The following CT83 variants were observed in gnomAD, a reference collection of about 807,000 sequenced individuals.
The protein encoded by CT83 is kita-kyushu lung cancer antigen 1.
A neutral mutation model predicts 1.7 loss-of-function variants in CT83; 3 were observed. The observed-to-expected ratio is 1.76, with a 90% CI of 0.80 to 4.55. CT83 has a LOEUF of 4.55. Ranked by LOEUF, CT83 falls within the 30% of genes most tolerant of loss-of-function variation. The probability of loss-of-function intolerance (pLI) is 0.02; values close to 1 mark genes in which losing one functional copy is unlikely to be tolerated. For synonymous variants in CT83, 35 were observed against 33.0 expected, an observed-to-expected ratio of 1.06 and a Z score of -0.20; for missense variants, 80 against 84.8, an observed-to-expected ratio of 0.94 and a Z score of 0.22.
intron 1 of CT83, among the ~76,000 whole-genome samples, chrX:116,462,357 C>T (rs1556695265): frequency 9.0e-6 from 1 of 111,507 alleles, no homozygotes; most frequent in South Asian, 3.8e-4. Flanking sequence ...CATTCACACT[C>T]GAATTATTTG....
chrX:116,462,282 T>A (rs781895013), intron 1 of CT83, among the ~76,000 whole-genome samples: 14 of 111,627 alleles, frequency 1.3e-4, no homozygotes, highest in Non-Finnish European at 1.9e-4. Flanking sequence ...GGTAAACATA[T>A]GAACCCTTGT....
chrX:116,462,871 C>A lies in CT83; in HGVS notation c.-15G>T. 1 of 1,206,799 alleles carries A rather than the reference C, an allele frequency of 8.3e-7. No homozygotes were observed. The highest frequency in any genetic ancestry group is 1.8e-5 in the South Asian group (1 of 56,833). On this transcript the variant is annotated 5_prime_UTR_variant, in exon 1 of 2. It adds an upstream start codon to the 5' untranslated region. Transcript: ENST00000371894. The stretch of plus-strand genomic sequence containing the variant: ...TAGAAGTTCATGTTTCCTCTTCGGC[C>A]TCTTCTCCCTTCTCGGGACGGACCC...
At chrX:116,462,603 T>A (rs782657721) in intron 1 of CT83, among the ~76,000 whole-genome samples, 179 bp downstream of exon 1, 1 of 111,461 alleles carries the variant, frequency 9.0e-6, no homozygotes, top group East Asian at 2.9e-4. Flanking sequence ...CTGGTCAGAA[T>A]ACAGGAATTG....
chrX:116,461,924 T>C lies in CT83; in HGVS notation c.159A>G (p.Thr53=), dbSNP rs144361015. The C allele has an allele frequency of 1.7e-6, 2 of 1,208,853 alleles. No individual in the cohort carries two copies. The highest frequency in any genetic ancestry group is 2.2e-6 in the Non-Finnish European group (2 of 892,778). Residue 53 remains threonine (T), a synonymous_variant, in exon 2 of 2, where the codon ACA becomes ACG. Transcript: ENST00000371894. ...PSSSGLINSN[T]DNNLAVYDLS... is the part of the protein sequence containing the mutation. ...GGTCGTAGACTGCAAGATTGTTGTC[T>C]GTATTGCTGTTAATTAACCCAGAAG...
chrX:116,462,803 G>A lies in CT83; in HGVS notation c.54C>T (p.Phe18=), dbSNP rs1928095593. 8.3e-7 allele frequency: 1 copy of A among 1,211,466 alleles called. No homozygotes were observed. Among genetic ancestry groups the A allele is most frequent in the Non-Finnish European group, 1.1e-6 (1 of 895,283 alleles). ...TTACCTGAAAGCGGCGATATTTCCA[G>A]AAGACAATCAAGGCACACAGAATGC... ...ASSILCALIV[F]WKYRRFQRNT... Residue 18 remains phenylalanine, a synonymous_variant, in exon 1 of 2, where the codon TTC becomes TTT. Transcript: ENST00000371894.
In CT83 at chrX:116,461,896, A is replaced by G. The variant is rs1928071317; in HGVS notation, c.187T>C (p.Ser63Pro). ...TDNNLAVYDL[S>P]RDILNNFPHS... ...GGGAAATTATTTAAAATATCCCGAGAGAGGTCGTAGACTGCAAGATTGTTG... is the reference window on the plus strand; with the variant it reads ...GGGAAATTATTTAAAATATCCCGAGGGAGGTCGTAGACTGCAAGATTGTTG... Residue 63 changes from serine (S) to proline (P), a missense_variant, in exon 2 of 2, where the codon TCT (serine) becomes CCT (proline). Physicochemically the swap from Ser to Pro is moderately conservative, Grantham distance 74. Coordinates refer to ENST00000371894, the MANE Select transcript of CT83 (RefSeq NM_001017978.4). 3.3e-6 allele frequency: 4 copies of G among 1,211,110 alleles called. No individual in the cohort carries two copies. The East Asian group carries it at 1.2e-4, about 36-fold the overall frequency.
intron 1 of CT83, 131 bp downstream of exon 1, chrX:116,462,651 G>A (rs1197611593): frequency 1.1e-5 from 7 of 655,595 alleles, no homozygotes; most frequent in Non-Finnish European, 1.4e-5. Context: ...TCCTTTGAGC[G>A]AAAAGGAGAG....
rs1556695301 is a variant in CT83 at position 116,462,843 on chromosome X, A to G, written c.14T>C (p.Leu5Ser). Residue 5 changes from leucine (L) to serine (S), a missense_variant, in exon 1 of 2, where the codon TTA becomes TCA. Coordinates refer to ENST00000371894, the MANE Select transcript of CT83 (RefSeq NM_001017978.4). ...ACACAGAATGCTGCTCGCTAGGAGT[A>G]AATAGAAGTTCATGTTTCCTCTTCG... MNFYLLLASSILCAL... is the reference protein window; with the variant it reads MNFYSLLASSILCAL... 8.3e-7 allele frequency: 1 copy of G among 1,211,440 alleles called. No homozygotes were observed. The highest frequency in any genetic ancestry group is 1.8e-5 in the South Asian group (1 of 56,963).
At chrX:116,462,093 C>T in intron 1 of CT83, 86 bp from the exon 2 acceptor site, 4 of 802,173 alleles carry the variant, frequency 5.0e-6, no homozygotes, top group Non-Finnish European at 7.3e-6. Context: ...TAATCTTGGT[C>T]ACCAAAATAA....
Position 116,462,951 on chromosome X carries a change from T to G in CT83, c.-95A>C. ...CTCTAGCCGCCTGGATTTGGGAAACTTTGGGCCAGGATGCCTGGTGTAACT... is the reference window on the plus strand; with the variant it reads ...CTCTAGCCGCCTGGATTTGGGAAACGTTGGGCCAGGATGCCTGGTGTAACT... On this transcript the variant is annotated 5_prime_UTR_variant, in exon 1 of 2. Coordinates refer to ENST00000371894, the MANE Select transcript of CT83 (RefSeq NM_001017978.4). The G allele has an allele frequency of 1.2e-6, 1 of 864,057 alleles. No homozygotes were observed. The highest frequency in any genetic ancestry group is 1.7e-6 in the Non-Finnish European group (1 of 589,498). The allele number at this position is 864,057 out of a possible 1,213,427, so 71.2% of individuals were successfully genotyped here.
At chrX:116,462,062 A>C in intron 1 of CT83, 55 bp from the exon 2 acceptor site, 1 of 921,394 alleles carries the variant, frequency 1.1e-6, no homozygotes, top group African/African-American at 3.2e-5. Flanking sequence ...CAATTTCCAA[A>C]CTACCGAAAA....
chrX:116,461,826 A>T lies in CT83; in HGVS notation c.257T>A (p.Met86Lys), dbSNP rs138186063. 29 of 1,208,898 alleles carry T rather than the reference A, an allele frequency of 2.4e-5. No individual in the cohort carries two copies. The African/African-American group carries it at 4.2e-4, about 18-fold the overall frequency. Residue 86 changes from methionine to lysine, a missense_variant, in exon 2 of 2, where the codon ATG becomes AAG. Coordinates refer to ENST00000371894, the MANE Select transcript of CT83 (RefSeq NM_001017978.4). ...RQKRILVNLS[M>K]VENKLVELEH... is the part of the protein sequence containing the mutation. Reference sequence around the variant, plus strand: ...CAGTTCAACCAGCTTGTTTTCCACCATACTGAGGTTTACCAATATTCGCTT... The same window carrying T: ...CAGTTCAACCAGCTTGTTTTCCACCTTACTGAGGTTTACCAATATTCGCTT...
intron 1 of CT83, among the ~76,000 whole-genome samples, 181 bp downstream of exon 1, chrX:116,462,601 A>C (rs1556695280): frequency 1.8e-5 from 2 of 111,511 alleles, no homozygotes; most frequent in Admixed American, 9.5e-5. Flanking sequence ...CACTGGTCAG[A>C]ATACAGGAAT....
chrX:116,462,833 C>T lies in CT83; in HGVS notation c.24G>A (p.Ala8=), dbSNP rs143934702. Residue 8 remains alanine, a synonymous_variant, in exon 1 of 2, where the codon GCG becomes GCA. Transcript: ENST00000371894. ...CAATCAAGGCACACAGAATGCTGCT[C>T]GCTAGGAGTAAATAGAAGTTCATGT... MNFYLLL[A]SSILCALIVF... 3 of 1,211,472 alleles carry T rather than the reference C, an allele frequency of 2.5e-6. No homozygotes were observed. Among genetic ancestry groups the T allele is most frequent in the Non-Finnish European group, 3.4e-6 (3 of 895,273 alleles).
At chrX:116,462,649 G>C (rs1478577737) in intron 1 of CT83, 133 bp downstream of exon 1, 1 of 642,133 alleles carries the variant, frequency 1.6e-6, no homozygotes, top group Admixed American at 2.7e-5. Context: ...GCTCCTTTGA[G>C]CGAAAAGGAG....
In CT83 at chrX:116,462,806, G is replaced by A; in HGVS notation, c.51C>T (p.Val17=). 8.3e-7 allele frequency: 1 copy of A among 1,211,399 alleles called. No individual in the cohort carries two copies. Among genetic ancestry groups the A allele is most frequent in the Non-Finnish European group, 1.1e-6 (1 of 895,227 alleles). The change falls in exon 1 of 2, where the codon GTC becomes GTT. Residue 17 remains valine (V), a synonymous_variant. Transcript: ENST00000371894. ...CCTGAAAGCGGCGATATTTCCAGAA[G>A]ACAATCAAGGCACACAGAATGCTGC... is the stretch of plus-strand genomic sequence containing the variant. ...LASSILCALI[V]FWKYRRFQRN...
rs782645170 is a variant in CT83, at chrX:116,461,915, ATTG to A, written c.165_167del (p.Asn56del). On this transcript the variant is annotated inframe_deletion, in exon 2 of 2. Coordinates refer to ENST00000371894, the MANE Select transcript of CT83 (RefSeq NM_001017978.4). ...CCCGAGAGAGGTCGTAGACTGCAAGATTGTTGTCTGTATTGCTGTTAATTAACC... is the reference window on the plus strand; with the variant it reads ...CCCGAGAGAGGTCGTAGACTGCAAGATTGTCTGTATTGCTGTTAATTAACC... 70 of 1,207,472 alleles carry A rather than the reference ATTG, an allele frequency of 5.8e-5. No individual in the cohort carries two copies. In the East Asian group the frequency reaches 1.7e-3, roughly 29 times the overall value.
intron 1 of CT83, 69 bp from the exon 2 acceptor site, chrX:116,462,076 A>G (rs1928078173): frequency 1.2e-6 from 1 of 833,222 alleles, no homozygotes; most frequent in African/African-American, 2.1e-5. Context: ...CCGAAAAACA[A>G]CTTGTTTAAT....
chrX:116,461,834 GT>G lies in CT83; in HGVS notation c.248del (p.Asn83ThrfsTer?). 8.3e-7 allele frequency: 1 copy of G among 1,210,604 alleles called. No individual in the cohort carries two copies. The highest frequency in any genetic ancestry group is 2.3e-4 in the Middle Eastern group (1 of 4,349). On this transcript the variant is annotated frameshift_variant, in exon 2 of 2. Transcript: ENST00000371894. LOFTEE classifies it low-confidence loss of function (END_TRUNC). ...SIARQKRILVNLSMVENKLVE... is the reference protein window; with the variant it reads ...SIARQKRILVXLSMVENKLVE... ...CCAGCTTGTTTTCCACCATACTGAG[GT>G]TTACCAATATTCGCTTCTGCCTGGC...
Sources: allele counts gnomAD v4.1 joint callset (sites outside exome capture counted in the v4.1 genomes callset), GRCh38; gene constraint gnomAD v4.1.1; transcripts MANE v1.5; gene names NCBI Gene and HGNC (gene_info 2026-07-23, HGNC 2026-07-21).